The following CXorf66 variants were observed in gnomAD, a reference collection of about 807,000 sequenced individuals.
The protein encoded by CXorf66 is chromosome X open reading frame 66, also known as uncharacterized protein CXorf66.
A neutral mutation model predicts 5.0 loss-of-function variants in CXorf66; 6 were observed. The observed-to-expected ratio is 1.20, with a 90% CI of 0.65 to 2.36. CXorf66 has a LOEUF of 2.36. Among genes scored for constraint, CXorf66 ranks in the 30% most tolerant of loss-of-function variants. The probability of loss-of-function intolerance (pLI) is 0.00; values close to 1 mark genes in which losing one functional copy is unlikely to be tolerated. For synonymous variants in CXorf66, 98 were observed against 102.8 expected, an observed-to-expected ratio of 0.95 and a Z score of 0.28; for missense variants, 270 against 254.9, an observed-to-expected ratio of 1.06 and a Z score of -0.40.
intron 1 of CXorf66, among the ~76,000 whole-genome samples, chrX:139,964,997 G>A (rs924563914): frequency 9.0e-6 from 1 of 111,063 alleles, no homozygotes; most frequent in Non-Finnish European, 1.9e-5. Flanking sequence ...GGGTTGACAG[G>A]TGCAGCAAAC....
intron 1 of CXorf66, among the ~76,000 whole-genome samples, chrX:139,958,602 C>T (rs1285822195): frequency 8.9e-6 from 1 of 111,911 alleles, no homozygotes; most frequent in Non-Finnish European, 1.9e-5. Context: ...CTACTATATG[C>T]TGGAGATCTG....
At chrX:139,957,130 G>A (rs1245112534) in intron 2 of CXorf66, among the ~76,000 whole-genome samples, 1 of 111,701 alleles carries the variant, frequency 9.0e-6, no homozygotes, top group African/African-American at 3.3e-5. Context: ...TCATGCCATT[G>A]CACTCCAGCC....
chrX:139,964,487 T>C (rs1433146517), intron 1 of CXorf66, among the ~76,000 whole-genome samples: 1 of 111,564 alleles, frequency 9.0e-6, no homozygotes, highest in Non-Finnish European at 1.9e-5. Context: ...GTTCAACCAC[T>C]GTGGAAGACA....
At position 139,961,701 on chromosome X, in the gene CXorf66, C is replaced by T. The variant is rs147379511; in HGVS notation, c.89-3484G>A. 1.8e-3 allele frequency among the ~76,000 whole-genome samples: 207 copies of T among 111,893 alleles called. 1 individual carries two copies. Among genetic ancestry groups the T allele is most frequent in the Non-Finnish European group, 2.9e-3 (155 of 53,203 alleles). On this transcript the variant is annotated intron_variant, in intron 1 of 2. Coordinates refer to ENST00000370540, the MANE Select transcript of CXorf66 (RefSeq NM_001013403.3). ...ACACTCCTCAGCAAATGCAAAAGAA[C>T]GGAAATCATAACGAATGGTCTTTCA...
chrX:139,956,174 T>C lies in CXorf66; in HGVS notation c.808A>G (p.Lys270Glu). ...GTTTTGGCAACAAGATGTTTTTTCT[T>C]GTAGGGTTGACAAGTTTCAGCTAAT... Reference protein sequence around the residue: ...SELAETCQPYKKKHLVAKTYR... With the variant: ...SELAETCQPYEKKHLVAKTYR... The change falls in exon 3 of 3, where the codon AAG becomes GAG. Residue 270 changes from lysine (K) to glutamate (E), a missense_variant. Transcript: ENST00000370540. 1 of 1,211,858 alleles carries C rather than the reference T, an allele frequency of 8.3e-7. No homozygotes were observed. Among genetic ancestry groups the C allele is most frequent in the Non-Finnish European group, 1.1e-6 (1 of 895,488 alleles).
chrX:139,956,102 T>C lies in CXorf66; in HGVS notation c.880A>G (p.Thr294Ala), dbSNP rs751727850. 5 of 1,211,289 alleles carry C rather than the reference T, an allele frequency of 4.1e-6. No individual in the cohort carries two copies. Among genetic ancestry groups the C allele is most frequent in the Non-Finnish European group, 5.6e-6 (5 of 895,096 alleles). ...TTGCTTGAAACATGTAGGTTTTGAG[T>C]GTTTTTCTCCTTTGCCTCAGAAATA... ...NDISEAKEKN[T>A]QNLHVSSKVK... is the part of the protein sequence containing the mutation. The change falls in exon 3 of 3, where the codon ACT becomes GCT. Residue 294 changes from threonine to alanine, a missense_variant. Thr to Ala is a moderately conservative substitution (Grantham distance 58, BLOSUM62 0). Coordinates refer to ENST00000370540, the MANE Select transcript of CXorf66 (RefSeq NM_001013403.3).
At position 139,955,961 on chromosome X, in the gene CXorf66, C is replaced by A. The variant is rs764309945; in HGVS notation, c.1021G>T (p.Val341Phe). Reference sequence around the variant, plus strand: ...CCTCTGTCACACGTAATGATTATAACTTTATCACTGTCAACCTCACTATAA... The same window carrying A: ...CCTCTGTCACACGTAATGATTATAAATTTATCACTGTCAACCTCACTATAA... ...KYYSEVDSDK[V>F]IIITCDRGYN... Residue 341 changes from valine to phenylalanine, a missense_variant, in exon 3 of 3, where the codon GTT (valine) becomes TTT (phenylalanine). By Grantham distance (50) the Val-to-Phe change is conservative. Transcript: ENST00000370540. 1 of 1,207,208 alleles carries A rather than the reference C, an allele frequency of 8.3e-7. No homozygotes were observed.
Position 139,956,315 on chromosome X carries a change from T to A in CXorf66, c.667A>T (p.Asn223Tyr). The A allele has an allele frequency of 3.3e-6, 4 of 1,211,478 alleles. No homozygotes were observed. Among genetic ancestry groups the A allele is most frequent in the Non-Finnish European group, 2.2e-6 (2 of 895,305 alleles). ...AATGGCTTGGATGGTGAGATTTCAT[T>A]TTGTGGATGAGATGAATAAAGTGGC... ...FKPLYSSHPQNEISPSKPFGP... is the reference protein window; with the variant it reads ...FKPLYSSHPQYEISPSKPFGP... The change falls in exon 3 of 3, where the codon AAT (asparagine) becomes TAT (tyrosine). Residue 223 changes from asparagine to tyrosine, a missense_variant. Coordinates refer to ENST00000370540, the MANE Select transcript of CXorf66 (RefSeq NM_001013403.3).
intron 1 of CXorf66, among the ~76,000 whole-genome samples, chrX:139,959,633 A>ATGGAGAGG (rs2085586397): frequency 8.9e-6 from 1 of 111,734 alleles, no homozygotes; most frequent in African/African-American, 3.3e-5. Flanking sequence ...GGATGGAGAG[A>ATGGAGAGG]CCTCCCAGCA....
At chrX:139,957,709 C>A (rs1418887680) in intron 2 of CXorf66, among the ~76,000 whole-genome samples, 1 of 111,474 alleles carries the variant, frequency 9.0e-6, no homozygotes, top group Non-Finnish European at 1.9e-5. Flanking sequence ...GGTAGATTAT[C>A]CAAAATGTTT....
Position 139,956,479 on chromosome X carries a change from G to C in CXorf66, c.503C>G (p.Ser168Ter), listed in dbSNP as rs936980173. Residue 168 changes from serine (S) to a stop codon, truncating the protein, a stop_gained, in exon 3 of 3, where the codon TCA becomes TGA. Transcript: ENST00000370540. LOFTEE classifies it low-confidence loss of function (END_TRUNC). ...TGACTTGCTTAATTTTTTTGAGCAT[G>C]ATGACTTGGATGACCTTTTTGGATA... is the stretch of plus-strand genomic sequence containing the variant. ...PSYPKRSSKS[S>*]CSKKLSKSSH... The C allele has an allele frequency of 3.3e-6, 4 of 1,211,734 alleles. No individual in the cohort carries two copies. In the East Asian group the frequency reaches 1.2e-4, roughly 36 times the overall value.
intron 1 of CXorf66, among the ~76,000 whole-genome samples, chrX:139,959,817 C>T (rs761750950): frequency 8.9e-6 from 1 of 111,785 alleles, no homozygotes; most frequent in Admixed American, 9.5e-5. Flanking sequence ...CTGCAGCAGA[C>T]CTGCAGAAGA....
rs760576216 is a variant in CXorf66, at chrX:139,955,935, C to T, written c.1047G>A (p.Gly349=). 1.7e-6 allele frequency: 2 copies of T among 1,201,254 alleles called. No individual in the cohort carries two copies. The highest frequency in any genetic ancestry group is 1.8e-5 in the South Asian group (1 of 55,668). The change falls in exon 3 of 3, where the codon GGG becomes GGA. Residue 349 remains glycine, a synonymous_variant. Transcript: ENST00000370540. ...TTACTTCAGAGGTGACTTGATTGTA[C>T]CCTCTGTCACACGTAATGATTATAA... ...DKVIIITCDR[G]YNQVTSEVTL... is the part of the protein sequence containing the mutation.
chrX:139,963,398 C>G (rs1207971583), intron 1 of CXorf66, among the ~76,000 whole-genome samples: 2 of 111,419 alleles, frequency 1.8e-5, no homozygotes, highest in Non-Finnish European at 3.8e-5. Flanking sequence ...AACCACTGCT[C>G]AAGGAAATAA....
In CXorf66 at chrX:139,956,701, G is replaced by A; in HGVS notation, c.281C>T (p.Thr94Ile). ...GGCTGTCTTGGCTTCACTGAATGAT[G>A]TTTTAGATGACTTGGCTGCTATGCC... ...KKGIAAKSSK[T>I]SFSEAKTASQ... The change falls in exon 3 of 3, where the codon ACA (threonine) becomes ATA (isoleucine). Residue 94 changes from threonine (T) to isoleucine (I), a missense_variant. Coordinates refer to ENST00000370540, the MANE Select transcript of CXorf66 (RefSeq NM_001013403.3). 1 of 1,208,511 alleles carries A rather than the reference G, an allele frequency of 8.3e-7. No homozygotes were observed. Among genetic ancestry groups the A allele is most frequent in the South Asian group, 1.8e-5 (1 of 56,642 alleles).
In CXorf66 at chrX:139,961,613, T is replaced by C. The variant is rs187120867; in HGVS notation, c.89-3396A>G. Among the ~76,000 whole-genome samples the C allele has an allele frequency of 2.9e-3, 322 of 112,080 alleles. 2 individuals carry two copies. The highest frequency in any genetic ancestry group is 0.01 in the African/African-American group (312 of 30,895). On this transcript the variant is annotated intron_variant, in intron 1 of 2. Transcript: ENST00000370540. ...AACTCTCCAACCCAAATCAACAGAA[T>C]ATACATTCTTCTCAGCACCACATAG... is the stretch of plus-strand genomic sequence containing the variant.
chrX:139,961,033 A>G (rs2085591533), intron 1 of CXorf66, among the ~76,000 whole-genome samples: 1 of 111,873 alleles, frequency 8.9e-6, no homozygotes, highest in South Asian at 3.7e-4. Flanking sequence ...TAATGTGCAA[A>G]ATAACCAACT....
intron 1 of CXorf66, among the ~76,000 whole-genome samples, chrX:139,961,873 T>A (rs2085594594): frequency 8.9e-6 from 1 of 111,850 alleles, no homozygotes; most frequent in African/African-American, 3.2e-5. Flanking sequence ...TTGAAACTAA[T>A]GAGATCAAAG....
chrX:139,956,118 C>T lies in CXorf66; in HGVS notation c.864G>A (p.Glu288=), dbSNP rs1464583868. ...GGTTTTGAGTGTTTTTCTCCTTTGC[C>T]TCAGAAATATCATTGACCAAAGGCC... ...TYRPLVNDIS[E]AKEKNTQNLH... The change falls in exon 3 of 3, where the codon GAG becomes GAA. Residue 288 remains glutamate, a synonymous_variant. Coordinates refer to ENST00000370540, the MANE Select transcript of CXorf66 (RefSeq NM_001013403.3). 1 of 1,211,437 alleles carries T rather than the reference C, an allele frequency of 8.3e-7. No individual in the cohort carries two copies. Among genetic ancestry groups the T allele is most frequent in the South Asian group, 1.8e-5 (1 of 56,969 alleles).
Sources: allele counts gnomAD v4.1 joint callset (sites outside exome capture counted in the v4.1 genomes callset), GRCh38; gene constraint gnomAD v4.1.1; transcripts MANE v1.5; gene names NCBI Gene and HGNC (gene_info 2026-07-23, HGNC 2026-07-21).